SRRM4: variants seen among roughly 807,000 people sequenced by gnomAD.
SRRM4 encodes the protein serine/arginine repetitive matrix protein 4.
SRRM4 carries 33 observed loss-of-function variants against 68.9 expected under a neutral mutation model. The observed-to-expected ratio is 0.48, with a 90% CI of 0.36 to 0.64. SRRM4 has a LOEUF of 0.64. SRRM4 is among the 30% of genes least tolerant of loss of function. SRRM4 has a pLI of 0.00. For synonymous variants in SRRM4, 318 were observed against 318.8 expected (o/e 1.00, Z 0.03); for missense variants, 817 against 827.1 (o/e 0.99, Z 0.15).
At chr12:119,038,614 T>C (rs1053358414) in intron 1 of SRRM4, among the ~76,000 whole-genome samples, 1 of 152,238 alleles carries the variant, frequency 6.6e-6, no homozygotes, top group Non-Finnish European at 1.5e-5. Flanking sequence ...TGTTCTCAAC[T>C]CAGCAAAGTT....
chr12:119,049,127 C>G (rs1050658060), intron 1 of SRRM4, among the ~76,000 whole-genome samples: 1 of 152,152 alleles, frequency 6.6e-6, no homozygotes, highest in African/African-American at 2.4e-5. Flanking sequence ...CAAGTAAATA[C>G]ACAGTGTGAA....
intron 10 of SRRM4, among the ~76,000 whole-genome samples, chr12:119,152,622 G>T (rs780929071): frequency 3.3e-5 from 5 of 152,216 alleles, no homozygotes; most frequent in Non-Finnish European, 7.3e-5. Flanking sequence ...ATGGTGCAGT[G>T]AATGGAAATT....
At chr12:119,066,017 C>T (rs759204051) in intron 1 of SRRM4, among the ~76,000 whole-genome samples, 3 of 152,284 alleles carry the variant, frequency 2.0e-5, no homozygotes, top group East Asian at 1.9e-4. Flanking sequence ...TTTGAAGTCT[C>T]GCCTGACAAA....
chr12:119,092,314 T>A (rs1280830134), intron 1 of SRRM4, among the ~76,000 whole-genome samples: 3 of 152,210 alleles, frequency 2.0e-5, no homozygotes, highest in Non-Finnish European at 4.4e-5. Context: ...CGCATTTCCC[T>A]AGCTCTGATC....
chr12:119,075,581 G>GA (rs1565902806), intron 1 of SRRM4, among the ~76,000 whole-genome samples: 2 of 143,942 alleles, frequency 1.4e-5, no homozygotes, highest in Admixed American at 6.9e-5. Context: ...GGTGATGATG[G>GA]TGATGATGAT....
At chr12:119,044,657 T>C (rs1333850310) in intron 1 of SRRM4, among the ~76,000 whole-genome samples, 1 of 152,054 alleles carries the variant, frequency 6.6e-6, no homozygotes, top group African/African-American at 2.4e-5. Flanking sequence ...CTGCAAAATG[T>C]GGATTGAGAC....
At chr12:119,089,335 T>A (rs1426250624) in intron 1 of SRRM4, among the ~76,000 whole-genome samples, 1 of 152,114 alleles carries the variant, frequency 6.6e-6, no homozygotes, top group Non-Finnish European at 1.5e-5. Flanking sequence ...CCCACAATCC[T>A]GAGGTAATGG....
chr12:118,982,118 T>C, intron 1 of SRRM4, 105 bp downstream of exon 1: 1 of 1,385,358 alleles, frequency 7.2e-7, no homozygotes, highest in South Asian at 1.5e-5. Flanking sequence ...AGGGCGCCTG[T>C]CTTTTCCCGT....
chr12:119,012,805 G>C (rs1020229371), intron 1 of SRRM4, among the ~76,000 whole-genome samples: 3 of 152,042 alleles, frequency 2.0e-5, no homozygotes, highest in Non-Finnish European at 4.4e-5. Flanking sequence ...CGCTTTTCTT[G>C]TCTCTATTGA....
At position 119,081,709 on chromosome 12, in the gene SRRM4, G is replaced by A. The variant is rs1452293901; in HGVS notation, c.132-20527G>A. On this transcript the variant is annotated intron_variant, in intron 1 of 12. Coordinates refer to ENST00000267260, the MANE Select transcript of SRRM4 (RefSeq NM_194286.4). ...CAGGGAGACCCATTAGGAGGCCTTT[G>A]CAATAATGCAGGTGCAAGATGATGA... 2.0e-5 allele frequency among the ~76,000 whole-genome samples: 3 copies of A among 152,344 alleles called. No individual in the cohort carries two copies. In the East Asian group the frequency reaches 5.8e-4, roughly 29 times the overall value.
At chr12:119,048,583 C>T (rs1380566907) in intron 1 of SRRM4, among the ~76,000 whole-genome samples, 1 of 152,018 alleles carries the variant, frequency 6.6e-6, no homozygotes, top group Non-Finnish European at 1.5e-5. Context: ...TACACCTGGA[C>T]GTTTGAATTC....
chr12:119,139,692 T>C (rs1438903228), intron 8 of SRRM4, among the ~76,000 whole-genome samples: 4 of 152,116 alleles, frequency 2.6e-5, no homozygotes, highest in Admixed American at 2.0e-4. Context: ...TTGTCCCCTT[T>C]GAGAGGGTGA....
At chr12:119,093,661 C>A (rs2136038017) in intron 1 of SRRM4, among the ~76,000 whole-genome samples, 2 of 152,306 alleles carry the variant, frequency 1.3e-5, no homozygotes, top group Middle Eastern at 6.8e-3. Flanking sequence ...CACAACTTAG[C>A]AGAATCAGGA....
chr12:119,114,461 C>A (rs1946878356), intron 3 of SRRM4, 97 bp downstream of exon 3: 2 of 935,046 alleles, frequency 2.1e-6, no homozygotes, highest in Admixed American at 2.1e-5. Context: ...GGGTTCAAAT[C>A]CCCTCTCTGA....
intron 1 of SRRM4, among the ~76,000 whole-genome samples, chr12:118,997,843 G>A (rs1426875927): frequency 1.3e-5 from 2 of 152,008 alleles, no homozygotes; most frequent in African/African-American, 2.4e-5. Context: ...TACAGAGGAG[G>A]AAGCTGAAGT....
At chr12:119,102,831 A>C (rs1371943801) in intron 2 of SRRM4, among the ~76,000 whole-genome samples, 1 of 152,144 alleles carries the variant, frequency 6.6e-6, no homozygotes, top group Non-Finnish European at 1.5e-5. Flanking sequence ...TCTTTTACTC[A>C]GTTGTTTAAC....
intron 1 of SRRM4, among the ~76,000 whole-genome samples, chr12:119,019,588 C>T (rs1953501876): frequency 6.6e-6 from 1 of 152,134 alleles, no homozygotes; most frequent in Non-Finnish European, 1.5e-5. Flanking sequence ...ACCCTGTTAC[C>T]TTCTGAAATT....
At chr12:119,153,506 C>T in intron 10 of SRRM4, 33 bp from the exon 11 acceptor site, 1 of 1,432,100 alleles carries the variant, frequency 7.0e-7, no homozygotes, top group Non-Finnish European at 9.6e-7. Flanking sequence ...GGACACTCAG[C>T]AGGCTCCTCA....
At chr12:119,066,179 G>A (rs1208210640) in intron 1 of SRRM4, among the ~76,000 whole-genome samples, 8 of 152,150 alleles carry the variant, frequency 5.3e-5, no homozygotes, top group Non-Finnish European at 1.2e-4. Flanking sequence ...GCTGGTTTAA[G>A]CTTCTTCTCT....
Sources: allele counts gnomAD v4.1 joint callset (sites outside exome capture counted in the v4.1 genomes callset), GRCh38; gene constraint gnomAD v4.1.1; transcripts MANE v1.5; gene names NCBI Gene and HGNC (gene_info 2026-07-23, HGNC 2026-07-21).